The following BBS9 variants were observed in gnomAD, a reference collection of about 807,000 sequenced individuals.
The protein encoded by BBS9 is Bardet-Biedl syndrome 9.
A neutral mutation model predicts 117.7 loss-of-function variants in BBS9; 89 were observed. The ratio of observed to expected loss-of-function variants is 0.76; its 90% confidence interval spans 0.64 to 0.90. BBS9 has a LOEUF of 0.90. BBS9 is among the 40% of genes least tolerant of loss of function. The pLI is 0.00. For missense variants in BBS9, 982 were observed against 1,042.2 expected (o/e 0.94, Z 0.80); for synonymous variants, 379 against 370.9 (o/e 1.02, Z -0.25).
At chr7:33,378,899 A>C (rs1037771757) in intron 17 of BBS9, among the ~76,000 whole-genome samples, 1 of 152,090 alleles carries the variant, frequency 6.6e-6, no homozygotes, top group East Asian at 1.9e-4. Flanking sequence ...TGGGCATGCT[A>C]TTGGTGTTCT....
At chr7:33,430,802 CT>C (rs1438977655) in intron 19 of BBS9, among the ~76,000 whole-genome samples, 4 of 152,160 alleles carry the variant, frequency 2.6e-5, no homozygotes, top group Non-Finnish European at 5.9e-5. Context: ...CTGCCTCTCC[CT>C]TGTTGGCTGT....
intron 19 of BBS9, among the ~76,000 whole-genome samples, chr7:33,390,990 A>G (rs1294711381): frequency 6.6e-6 from 1 of 152,214 alleles, no homozygotes; most frequent in Admixed American, 6.5e-5. Context: ...ATAATAGTTT[A>G]TGATATGGAC....
chr7:33,603,564 G>A (rs1864127092), intron 21 of BBS9, among the ~76,000 whole-genome samples: 1 of 152,126 alleles, frequency 6.6e-6, no homozygotes. Flanking sequence ...TAGGAATTAA[G>A]TGAGATAATA....
intron 5 of BBS9, among the ~76,000 whole-genome samples, chr7:33,198,097 A>T (rs956705972): frequency 1.3e-5 from 2 of 152,008 alleles, no homozygotes; most frequent in Non-Finnish European, 2.9e-5. Flanking sequence ...AGTGAGCTGG[A>T]TTTTAAAATC....
chr7:33,254,295 C>T (rs187880900), intron 5 of BBS9, among the ~76,000 whole-genome samples: 114 of 152,130 alleles, frequency 7.5e-4, no homozygotes, highest in Admixed American at 2.8e-3. Flanking sequence ...ATAATTTATT[C>T]TGTGTCTTAT....
At chr7:33,183,898 G>T (rs1173134577) in intron 5 of BBS9, among the ~76,000 whole-genome samples, 1 of 152,104 alleles carries the variant, frequency 6.6e-6, no homozygotes, top group Admixed American at 6.5e-5. Flanking sequence ...CAGCAGGCTT[G>T]TTCTAAGCCC....
At chr7:33,622,964 T>G (rs1200202200) in intron 21 of BBS9, among the ~76,000 whole-genome samples, 1 of 152,172 alleles carries the variant, frequency 6.6e-6, no homozygotes, top group Non-Finnish European at 1.5e-5. Context: ...ACAACAAATA[T>G]TTTAGGAACA....
At chr7:33,505,440 A>T in intron 19 of BBS9, 23 bp from the exon 20 acceptor site, 1 of 1,613,568 alleles carries the variant, frequency 6.2e-7, no homozygotes, top group Non-Finnish European at 8.5e-7. Context: ...ATTATCCCTA[A>T]CCGAAGTTTG....
chr7:33,317,411 C>T (rs1395466711), intron 9 of BBS9, among the ~76,000 whole-genome samples: 29 of 150,466 alleles, frequency 1.9e-4, no homozygotes, highest in Non-Finnish European at 4.0e-4. Flanking sequence ...GGATTTTCAT[C>T]TGGATTATGT....
intron 19 of BBS9, among the ~76,000 whole-genome samples, chr7:33,450,037 C>T (rs1837562806): frequency 6.6e-6 from 1 of 152,198 alleles, no homozygotes; most frequent in South Asian, 2.1e-4. Flanking sequence ...CACTCCCTGT[C>T]AGGTCGGCCC....
downstream of BBS9, chr7:33,606,135 A>T (rs1864544756): frequency 6.6e-6 from 1 of 152,208 alleles, no homozygotes; most frequent in Admixed American, 6.5e-5. Context: ...ATGTCAAAAA[A>T]AAACTGCAGA....
At chr7:33,288,439 A>G (rs2128392924) in intron 9 of BBS9, among the ~76,000 whole-genome samples, 2 of 152,268 alleles carry the variant, frequency 1.3e-5, no homozygotes, top group Middle Eastern at 3.4e-3. Flanking sequence ...AGATGACAAA[A>G]TGTTATTCTG....
chr7:33,388,602 A>G (rs545038008), intron 19 of BBS9, among the ~76,000 whole-genome samples: 8 of 152,284 alleles, frequency 5.3e-5, no homozygotes, highest in African/African-American at 1.9e-4. Flanking sequence ...GGAATTCTTA[A>G]GCATCATAGT....
intron 9 of BBS9, among the ~76,000 whole-genome samples, chr7:33,294,110 C>A (rs565323872): frequency 1.1e-4 from 16 of 152,090 alleles, no homozygotes; most frequent in Non-Finnish European, 2.1e-4. Flanking sequence ...GAAGCCAGTA[C>A]AAATAATTTA....
chr7:33,496,328 A>G (rs1844704571), intron 19 of BBS9, among the ~76,000 whole-genome samples: 1 of 152,008 alleles, frequency 6.6e-6, no homozygotes, highest in African/African-American at 2.4e-5. Context: ...ACATGGTGAA[A>G]CTCTGTCTCT....
At chr7:33,173,738 C>A (rs1796941784) in intron 4 of BBS9, among the ~76,000 whole-genome samples, 3 of 152,042 alleles carry the variant, frequency 2.0e-5, no homozygotes, top group Admixed American at 2.0e-4. Flanking sequence ...AATATTTTGC[C>A]ATTTCTGTTA....
At chr7:33,581,091 TGTGTGA>T (rs1209640121) in intron 21 of BBS9, among the ~76,000 whole-genome samples, 54 of 141,674 alleles carry the variant, frequency 3.8e-4, no homozygotes, top group East Asian at 1.7e-3. Context: ...TGTGTGTGTG[TGTGTGA>T]GAGAGAGAGA....
intron 21 of BBS9, among the ~76,000 whole-genome samples, chr7:33,612,767 G>A (rs945017745): frequency 2.0e-5 from 3 of 151,932 alleles, no homozygotes; most frequent in Non-Finnish European, 4.4e-5. Flanking sequence ...ATCTCTGTCT[G>A]GTCAGGGTTC....
intron 5 of BBS9, among the ~76,000 whole-genome samples, chr7:33,209,300 T>G (rs140468316): frequency 6.6e-6 from 1 of 152,212 alleles, no homozygotes; most frequent in Non-Finnish European, 1.5e-5. Flanking sequence ...CTGAATAGTA[T>G]TCCATTGTAT....
Sources: allele counts gnomAD v4.1 joint callset (sites outside exome capture counted in the v4.1 genomes callset), GRCh38; gene constraint gnomAD v4.1.1; transcripts MANE v1.5; gene names NCBI Gene and HGNC (gene_info 2026-07-23, HGNC 2026-07-21).